TCF12: variants seen among roughly 807,000 people sequenced by gnomAD.
The protein encoded by TCF12 is DNA-binding protein HTF4.
TCF12 carries 45 observed loss-of-function variants against 86.0 expected under a neutral mutation model. That is an observed-to-expected ratio of 0.52 (90% CI 0.41 to 0.67). The LOEUF (loss-of-function observed/expected upper bound fraction) is 0.67, where lower values mean the gene tolerates loss of function less well. Ranked by LOEUF, TCF12 falls within the 30% of genes least tolerant of loss-of-function variation. TCF12 has a pLI of 0.00. For missense variants in TCF12, 881 were observed against 859.9 expected, an observed-to-expected ratio of 1.02 and a Z score of -0.31; for synonymous variants, 330 against 299.6, an observed-to-expected ratio of 1.10 and a Z score of -1.05.
chr15:56,918,392 G>C, upstream of TCF12: 1 of 369,286 alleles, frequency 2.7e-6, no homozygotes, highest in Admixed American at 3.2e-5. Flanking sequence ...GCCCGGACGA[G>C]GCTTCGTCGG....
intron 3 of TCF12, among the ~76,000 whole-genome samples, chr15:57,001,904 G>A (rs552220812): frequency 1.3e-5 from 2 of 152,324 alleles, no homozygotes; most frequent in South Asian, 4.1e-4. Context: ...AAAAGAGTGA[G>A]TCCAGATATG....
intron 5 of TCF12, among the ~76,000 whole-genome samples, chr15:57,162,656 G>A (rs1157180967): frequency 6.6e-6 from 1 of 152,002 alleles, no homozygotes; most frequent in Non-Finnish European, 1.5e-5. Flanking sequence ...CTTTATGAAA[G>A]GATAAGGAAT....
chr15:57,161,252 G>C (rs1046153414), intron 5 of TCF12, among the ~76,000 whole-genome samples: 1 of 152,226 alleles, frequency 6.6e-6, no homozygotes, highest in African/African-American at 2.4e-5. Flanking sequence ...AAGTATATTA[G>C]TGGTAGAGAG....
Position 57,061,041 on chromosome 15 carries a change from A to G in TCF12, c.149-2709A>G, listed in dbSNP as rs554166010. 1.6e-3 allele frequency among the ~76,000 whole-genome samples: 249 copies of G among 152,314 alleles called. 1 individual carries two copies. Among genetic ancestry groups the G allele is most frequent in the African/African-American group, 5.7e-3 (235 of 41,558 alleles). ...AACCTAGCCAGATTCTTGTTATTCT[A>G]TAGCATTCTTTGAGCCCCTTGTCAT... On this transcript the variant is annotated intron_variant, in intron 3 of 20. Coordinates refer to ENST00000333725, the MANE Select transcript of TCF12 (RefSeq NM_207037.2).
At chr15:57,148,564 G>C (rs1305948361) in intron 5 of TCF12, among the ~76,000 whole-genome samples, 6 of 151,974 alleles carry the variant, frequency 3.9e-5, no homozygotes, top group Admixed American at 2.0e-4. Context: ...CAAAATACAA[G>C]TTTACAAAAA....
At chr15:56,931,396 G>A (rs1390730402) in intron 3 of TCF12, among the ~76,000 whole-genome samples, 1 of 152,072 alleles carries the variant, frequency 6.6e-6, no homozygotes, top group Non-Finnish European at 1.5e-5. Context: ...AATCAGGAGT[G>A]TAGAATTCTT....
intron 3 of TCF12, among the ~76,000 whole-genome samples, chr15:56,926,817 A>G (rs1191600936): frequency 6.6e-6 from 1 of 152,204 alleles, no homozygotes; most frequent in Non-Finnish European, 1.5e-5. Flanking sequence ...AGGACTAATA[A>G]TAGTCGTTAT....
chr15:57,144,183 C>G (rs559856460), intron 5 of TCF12, among the ~76,000 whole-genome samples: 27 of 152,198 alleles, frequency 1.8e-4, no homozygotes, highest in African/African-American at 6.3e-4. Flanking sequence ...GCAGGGGTAT[C>G]AGTTGGGAGC....
chr15:57,119,648 TCCATA>T (rs2151283350), intron 5 of TCF12, among the ~76,000 whole-genome samples: 1 of 151,976 alleles, frequency 6.6e-6, no homozygotes, highest in African/African-American at 2.4e-5. Flanking sequence ...CAGCCCTCAC[TCCATA>T]TGGATACTGT....
chr15:57,244,359 A>G (rs2059762461), intron 13 of TCF12, among the ~76,000 whole-genome samples: 2 of 145,872 alleles, frequency 1.4e-5, no homozygotes, highest in South Asian at 4.3e-4. Flanking sequence ...GTTATTTCCC[A>G]TAGATAAAAA....
intron 8 of TCF12, among the ~76,000 whole-genome samples, chr15:57,224,491 G>T (rs1054009149): frequency 1.3e-5 from 2 of 152,092 alleles, no homozygotes; most frequent in South Asian, 4.1e-4. Context: ...TAATTTAAAT[G>T]GGCTTAGAAG....
intron 5 of TCF12, among the ~76,000 whole-genome samples, chr15:57,111,586 C>CTTTT (rs1166862090): frequency 2.6e-5 from 3 of 115,456 alleles, no homozygotes; most frequent in African/African-American, 9.8e-5. Context: ...GTTTGTTTAT[C>CTTTT]TTTTTTTTTT....
intron 4 of TCF12, among the ~76,000 whole-genome samples, chr15:57,064,530 C>T (rs1312052450): frequency 3.9e-5 from 6 of 152,138 alleles, no homozygotes; most frequent in African/African-American, 1.4e-4. Flanking sequence ...CATGGTGGCT[C>T]ATGCCTGTAA....
intron 5 of TCF12, among the ~76,000 whole-genome samples, chr15:57,114,404 C>T (rs1294312040): frequency 6.6e-6 from 1 of 152,172 alleles, no homozygotes; most frequent in Non-Finnish European, 1.5e-5. Flanking sequence ...GATCCTACCA[C>T]CTCAGCCCCC....
intron 3 of TCF12, among the ~76,000 whole-genome samples, chr15:56,942,717 T>C (rs2060832714): frequency 1.3e-5 from 2 of 152,210 alleles, no homozygotes; most frequent in Non-Finnish European, 2.9e-5. Context: ...AGGCAAAATC[T>C]AAAGTAAGTC....
At chr15:57,013,726 G>A (rs1392270038) in intron 3 of TCF12, among the ~76,000 whole-genome samples, 15 of 152,150 alleles carry the variant, frequency 9.9e-5, no homozygotes, top group Non-Finnish European at 1.6e-4. Flanking sequence ...ATAGTGTAGA[G>A]AAGTTCATTA....
chr15:57,195,966 T>G (rs1399388094), intron 7 of TCF12, among the ~76,000 whole-genome samples: 1 of 152,192 alleles, frequency 6.6e-6, no homozygotes, highest in Non-Finnish European at 1.5e-5. Flanking sequence ...CTCATACCAC[T>G]GCACTCCAGC....
At chr15:57,132,350 T>C (rs535013609) in intron 5 of TCF12, among the ~76,000 whole-genome samples, 4 of 152,344 alleles carry the variant, frequency 2.6e-5, no homozygotes, top group Non-Finnish European at 4.4e-5. Flanking sequence ...TAAATACTTA[T>C]GTATCCAGCA....
chr15:56,961,752 G>A (rs1461592471), intron 3 of TCF12, among the ~76,000 whole-genome samples: 1 of 152,136 alleles, frequency 6.6e-6, no homozygotes, highest in Admixed American at 6.5e-5. Context: ...GTAGTTAGAG[G>A]ATTGTTTTTT....
Sources: allele counts gnomAD v4.1 joint callset (sites outside exome capture counted in the v4.1 genomes callset), GRCh38; gene constraint gnomAD v4.1.1; transcripts MANE v1.5; gene names NCBI Gene and HGNC (gene_info 2026-07-23, HGNC 2026-07-21).